The following KAZN variants were observed in gnomAD, a reference collection of about 807,000 sequenced individuals.
KAZN encodes kazrin, periplakin interacting protein.
In KAZN, 40 loss-of-function variants were observed where a neutral mutation model predicts 87.4. That is an observed-to-expected ratio of 0.46 (90% CI 0.36 to 0.60). KAZN has a LOEUF of 0.60. Among genes scored for constraint, KAZN ranks in the 20% least tolerant of loss-of-function variants. KAZN has a pLI of 0.00. For synonymous variants in KAZN, 466 were observed against 458.3 expected (o/e 1.02, Z -0.22); for missense variants, 898 against 1,073.9 (o/e 0.84, Z 2.29).
At chr1:14,220,948 G>C (rs1647082545) in intron 2 of KAZN, among the ~76,000 whole-genome samples, 2 of 152,162 alleles carry the variant, frequency 1.3e-5, no homozygotes, top group South Asian at 4.1e-4. Flanking sequence ...GGTTGAAGCA[G>C]CTTCCTCCGC....
rs958019085 is a variant in KAZN at position 14,744,972 on chromosome 1, C to T, written c.226+145749C>T. On this transcript the variant is annotated intron_variant, in intron 1 of 14. Transcript: ENST00000376030. ...TGATCCTGCAGCTGACCCAGAACCG[C>T]CTGAGCCTGGAGCTACCCATGGGCA... is the stretch of plus-strand genomic sequence containing the variant. Among the ~76,000 whole-genome samples, 16 of 152,138 alleles carry T rather than the reference C, an allele frequency of 1.1e-4. 1 individual carries two copies. The highest frequency in any genetic ancestry group is 3.9e-4 in the African/African-American group (16 of 41,430).
chr1:14,260,055 C>T (rs1224103410), intron 2 of KAZN, among the ~76,000 whole-genome samples: 1 of 152,204 alleles, frequency 6.6e-6, no homozygotes, highest in Admixed American at 6.5e-5. Flanking sequence ...TCAATTTCTA[C>T]ACTCCTGAAG....
intron 2 of KAZN, among the ~76,000 whole-genome samples, chr1:15,033,456 T>G (rs1394377586): frequency 6.6e-6 from 1 of 152,202 alleles, no homozygotes; most frequent in Non-Finnish European, 1.5e-5. Context: ...CGCAGGGTCG[T>G]ATGGTAAGTT....
chr1:13,976,315 T>C (rs1359390784), intron 1 of KAZN, among the ~76,000 whole-genome samples: 5 of 152,176 alleles, frequency 3.3e-5, no homozygotes, highest in Non-Finnish European at 7.3e-5. Context: ...TTTTAATAAG[T>C]CAATCTGTCC....
chr1:14,795,006 G>A (rs77269896), intron 1 of KAZN, among the ~76,000 whole-genome samples: 1 of 152,134 alleles, frequency 6.6e-6, no homozygotes, highest in African/African-American at 2.4e-5. Context: ...TCAGCTTTTG[G>A]ACTCTTGAAC....
chr1:13,983,478 C>T lies in KAZN; in HGVS notation c.91+89722C>T, dbSNP rs1356471153. ...CTGAGTGCAGGGCCCGCCAAGCCCACGACCACCTGGAACTCTAGCTGGCCC... is the reference window on the plus strand; with the variant it reads ...CTGAGTGCAGGGCCCGCCAAGCCCATGACCACCTGGAACTCTAGCTGGCCC... On this transcript the variant is annotated intron_variant, in intron 1 of 16. Coordinates refer to the KAZN transcript ENST00000636203. 5.9e-5 allele frequency among the ~76,000 whole-genome samples: 9 copies of T among 152,256 alleles called. No homozygotes were observed. The East Asian group carries it at 7.7e-4, about 13-fold the overall frequency.
intron 1 of KAZN, among the ~76,000 whole-genome samples, chr1:14,024,417 CAG>C (rs1252913991): frequency 1.3e-5 from 2 of 152,132 alleles, no homozygotes; most frequent in African/African-American, 4.8e-5. Context: ...TAAAAGAAAA[CAG>C]AAAAATAAAA....
intron 1 of KAZN, among the ~76,000 whole-genome samples, chr1:14,081,747 T>A (rs1171022763): frequency 8.1e-6 from 1 of 123,090 alleles, no homozygotes; most frequent in Non-Finnish European, 1.9e-5. Context: ...TCCCTTTTGC[T>A]TTGTTTTGTT....
chr1:14,769,644 G>A lies in KAZN; in HGVS notation c.226+170421G>A, dbSNP rs985572684. 1.3e-5 allele frequency among the ~76,000 whole-genome samples: 2 copies of A among 152,120 alleles called. No homozygotes were observed. The highest frequency in any genetic ancestry group is 2.9e-5 in the Non-Finnish European group (2 of 68,036). ...CCTGGGATTACAGGCGTGAGCCACCGTGCCCGGCCTGCCCTTCCAGGTCTT... is the reference window on the plus strand; with the variant it reads ...CCTGGGATTACAGGCGTGAGCCACCATGCCCGGCCTGCCCTTCCAGGTCTT... On this transcript the variant is annotated intron_variant, in intron 1 of 14. Transcript: ENST00000376030. The surrounding 1 kb of genome is among the most constrained non-coding windows in gnomAD (Gnocchi z 4.1).
At chr1:14,997,489 C>T (rs1668019880) in intron 2 of KAZN, among the ~76,000 whole-genome samples, 1 of 152,108 alleles carries the variant, frequency 6.6e-6, no homozygotes, top group Non-Finnish European at 1.5e-5. Context: ...ATCCACCTGC[C>T]TCGGCCTCCC....
intron 1 of KAZN, among the ~76,000 whole-genome samples, chr1:14,046,081 T>G (rs967803562): frequency 6.6e-6 from 1 of 152,118 alleles, no homozygotes; most frequent in African/African-American, 2.4e-5. Flanking sequence ...CTCCAAAAAA[T>G]TACCTTTAAT....
In KAZN at chr1:14,899,739, T is replaced by C. The variant is rs565596111; in HGVS notation, c.227-60945T>C. Among the ~76,000 whole-genome samples, 7 of 152,044 alleles carry C rather than the reference T, an allele frequency of 4.6e-5. No individual in the cohort carries two copies. In the South Asian group the frequency reaches 6.2e-4, roughly 14 times the overall value. On this transcript the variant is annotated intron_variant, in intron 1 of 14. Coordinates refer to ENST00000376030, the MANE Select transcript of KAZN (RefSeq NM_201628.3). The stretch of plus-strand genomic sequence containing the variant: ...TGTCCACCACTCCTCTCTCCTTCCC[T>C]CCCTATGGGTTCCTGTAAGGCACCC...
intron 1 of KAZN, among the ~76,000 whole-genome samples, chr1:14,904,880 G>T (rs535350744): frequency 6.6e-6 from 1 of 152,030 alleles, no homozygotes; most frequent in Non-Finnish European, 1.5e-5. Context: ...TCCTGCCTCC[G>T]CCTCCCAAGT....
At chr1:14,285,836 G>A (rs533191442) in intron 2 of KAZN, among the ~76,000 whole-genome samples, 2 of 152,318 alleles carry the variant, frequency 1.3e-5, no homozygotes, top group East Asian at 3.9e-4. Context: ...AAACGGCATG[G>A]TGGTGTGGGA....
intron 1 of KAZN, among the ~76,000 whole-genome samples, chr1:14,848,577 G>A (rs1434805191): frequency 2.6e-5 from 4 of 152,208 alleles, no homozygotes; most frequent in Non-Finnish European, 5.9e-5. Context: ...GGGGTGCAAG[G>A]AGCCTTTGTT....
In KAZN at chr1:14,996,686, C is replaced by T. The variant is rs1447273472; in HGVS notation, c.418+35811C>T. Among the ~76,000 whole-genome samples the T allele has an allele frequency of 1.3e-5, 2 of 152,200 alleles. No homozygotes were observed. Among genetic ancestry groups the T allele is most frequent in the Non-Finnish European group, 2.9e-5 (2 of 68,032 alleles). On this transcript the variant is annotated intron_variant, in intron 2 of 14. Coordinates refer to ENST00000376030, the MANE Select transcript of KAZN (RefSeq NM_201628.3). The surrounding 1 kb of genome is among the most constrained non-coding windows in gnomAD (Gnocchi z 5.9). ...GGCCCTGTGTCCCCTACATTCTCTA[C>T]GCACGACCGAGGGCCATTCTTCCCT...
intron 5 of KAZN, among the ~76,000 whole-genome samples, chr1:15,059,914 A>G (rs1359206645): frequency 2.0e-5 from 3 of 152,180 alleles, no homozygotes; most frequent in African/African-American, 4.8e-5. Flanking sequence ...GAAAACTTCC[A>G]TGTCTTCTCC....
intron 2 of KAZN, among the ~76,000 whole-genome samples, chr1:14,973,892 G>T (rs940311219): frequency 1.3e-5 from 2 of 151,866 alleles, no homozygotes; most frequent in Non-Finnish European, 2.9e-5. Context: ...AATCTTAGTG[G>T]CATAAAGCAA....
chr1:14,293,344 T>A (rs1458237137), intron 2 of KAZN, among the ~76,000 whole-genome samples: 1 of 152,232 alleles, frequency 6.6e-6, no homozygotes, highest in African/African-American at 2.4e-5. Context: ...TCTGGCATTT[T>A]CCCTCAGCAC....
Sources: gnomAD v4.1 joint callset for allele counts (sites outside exome capture counted in the v4.1 genomes callset) on GRCh38, gnomAD v4.1.1 for gene constraint, Gnocchi (gnomAD v3.1) non-coding constraint, MANE v1.5 for transcripts, NCBI Gene and HGNC (gene_info 2026-07-23, HGNC 2026-07-21) for gene names.